Variants in SPNS3 observed in about 807,000 individuals in gnomAD.
SPNS3 encodes the protein SPNS lysolipid transporter 3, sphingosine-1-phosphate (putative).
SPNS3 carries 51 observed loss-of-function variants against 54.4 expected under a neutral mutation model. That is an observed-to-expected ratio of 0.94 (90% confidence interval 0.75 to 1.18). SPNS3 has a LOEUF of 1.18. SPNS3 is among the 50% of genes most tolerant of loss of function. SPNS3 has a pLI of 0.00. For synonymous variants in SPNS3, 309 were observed against 294.7 expected, an observed-to-expected ratio of 1.05 and a Z score of -0.50; for missense variants, 669 against 677.4, an observed-to-expected ratio of 0.99 and a Z score of 0.14.
chr17:4,446,346 T>C lies in SPNS3; in HGVS notation c.554+147T>C, dbSNP rs1043972137. ...CTACCCCTCCCTCACCATGTGAGTC[T>C]ACCTCTCCTAGCCTCAGTTTCCTCA... On this transcript the variant is annotated intron_variant, in intron 4 of 11. Transcript: ENST00000355530. 5.9e-6 allele frequency: 5 copies of C among 853,482 alleles called. No homozygotes were observed. The African/African-American group carries it at 8.5e-5, about 15-fold the overall frequency. The allele number at this position is 853,482 out of a possible 1,614,324, so 52.9% of individuals were successfully genotyped here.
chr17:4,460,175 C>T (rs572723314), intron 8 of SPNS3, among the ~76,000 whole-genome samples: 3 of 152,104 alleles, frequency 2.0e-5, no homozygotes, highest in East Asian at 1.9e-4. Context: ...GGGAGAGGGA[C>T]GTGAGGACAG....
intron 1 of SPNS3, among the ~76,000 whole-genome samples, chr17:4,435,044 C>T (rs971066482): frequency 2.0e-5 from 3 of 152,112 alleles, no homozygotes; most frequent in Non-Finnish European, 2.9e-5. Context: ...TCAGGTGATC[C>T]GCCTGCCTCG....
intron 8 of SPNS3, among the ~76,000 whole-genome samples, chr17:4,460,493 G>A (rs376660207): frequency 6.1e-4 from 89 of 146,440 alleles, no homozygotes; most frequent in African/African-American, 1.9e-3. Flanking sequence ...GTGCAGTGGC[G>A]TGATCTCGGC....
chr17:4,484,695 C>T (rs1447564175), intron 9 of SPNS3, among the ~76,000 whole-genome samples: 1 of 152,098 alleles, frequency 6.6e-6, no homozygotes, highest in African/African-American at 2.4e-5. Flanking sequence ...GTAAGCGCCC[C>T]TGTGGCTGTC....
At chr17:4,469,993 T>A (rs978764180) in intron 8 of SPNS3, among the ~76,000 whole-genome samples, 1 of 152,226 alleles carries the variant, frequency 6.6e-6, no homozygotes, top group Non-Finnish European at 1.5e-5. Flanking sequence ...TTTGCTTCTA[T>A]ATTTGTTATT....
chr17:4,466,300 G>C (rs1259728249), intron 8 of SPNS3, among the ~76,000 whole-genome samples: 1 of 152,180 alleles, frequency 6.6e-6, no homozygotes, highest in Non-Finnish European at 1.5e-5. Context: ...CCAGCACTTC[G>C]GAAGGCCGAG....
intron 9 of SPNS3, among the ~76,000 whole-genome samples, chr17:4,482,951 C>T (rs1972211524): frequency 3.3e-5 from 5 of 152,240 alleles, no homozygotes; most frequent in Admixed American, 3.3e-4. Context: ...TTCCCTCTTT[C>T]TCAGCCCTGT....
At chr17:4,442,544 AAAAAG>A (rs1394328213) in intron 2 of SPNS3, among the ~76,000 whole-genome samples, 1 of 152,056 alleles carries the variant, frequency 6.6e-6, no homozygotes, top group African/African-American at 2.4e-5. Context: ...AAAAAAACAA[AAAAAG>A]AGAAGAGGAG....
intron 2 of SPNS3, among the ~76,000 whole-genome samples, chr17:4,442,648 T>G (rs149232795): frequency 6.6e-4 from 101 of 152,290 alleles, no homozygotes; most frequent in African/African-American, 2.3e-3. Context: ...ATTAATAATA[T>G]TTAAAACTAA....
chr17:4,448,122 G>T, intron 5 of SPNS3, 33 bp from the exon 6 acceptor site: 2 of 1,544,648 alleles, frequency 1.3e-6, no homozygotes, highest in Non-Finnish European at 8.7e-7. Context: ...GATAATATGC[G>T]GCCCTGAGCT....
chr17:4,484,691 GC>G (rs1229466309), intron 9 of SPNS3, among the ~76,000 whole-genome samples: 4 of 152,042 alleles, frequency 2.6e-5, no homozygotes, highest in Non-Finnish European at 5.9e-5. Context: ...GGGTGTAAGC[GC>G]CCCTGTGGCT....
In SPNS3 at chr17:4,449,257, C is replaced by T; in HGVS notation, c.793C>T (p.Leu265Phe). 1.2e-6 allele frequency: 2 copies of T among 1,611,988 alleles called. No individual in the cohort carries two copies. Among genetic ancestry groups the T allele is most frequent in the East Asian group, 2.2e-5 (1 of 44,852 alleles). The change falls in exon 7 of 12, where the codon CTC becomes TTC. Residue 265 changes from leucine to phenylalanine, a missense_variant. Coordinates refer to ENST00000355530, the MANE Select transcript of SPNS3 (RefSeq NM_182538.5). ...CAGCTGGAGTTTCGTGTGGTCGACC[C>T]TCGGAGTGACCGCCATGGCCTTTGT... ...GKNWSFVWST[L>F]GVTAMAFVTG...
At position 4,453,124 on chromosome 17, in the gene SPNS3, C is replaced by T; in HGVS notation, c.1032C>T (p.Ile344=). ...KKVIPGAEPL[I]CASSLLATAP... is the part of the protein sequence containing the mutation. ...TCATTCCAGGAGCTGAGCCCCTCATCTGCGCCTCCAGCCTGCTTGCCACAG... is the reference window on the plus strand; with the variant it reads ...TCATTCCAGGAGCTGAGCCCCTCATTTGCGCCTCCAGCCTGCTTGCCACAG... Residue 344 remains isoleucine, a synonymous_variant, in exon 8 of 12, where the codon ATC becomes ATT. Transcript: ENST00000355530. 6.2e-7 allele frequency: 1 copy of T among 1,614,160 alleles called. No homozygotes were observed. The highest frequency in any genetic ancestry group is 8.5e-7 in the Non-Finnish European group (1 of 1,180,018).
chr17:4,448,489 A>G (rs762833495), intron 6 of SPNS3, among the ~76,000 whole-genome samples, 186 bp downstream of exon 6: 1 of 152,120 alleles, frequency 6.6e-6, no homozygotes, highest in Non-Finnish European at 1.5e-5. Flanking sequence ...CTCAGCCTCC[A>G]TCACCTTGCC....
intron 8 of SPNS3, among the ~76,000 whole-genome samples, chr17:4,477,219 A>G (rs1292261261): frequency 6.6e-6 from 1 of 152,060 alleles, no homozygotes; most frequent in South Asian, 2.1e-4. Flanking sequence ...CTCTGGCCTG[A>G]GTTTGTCTGT....
At chr17:4,460,212 G>A (rs1160239182) in intron 8 of SPNS3, among the ~76,000 whole-genome samples, 1 of 152,152 alleles carries the variant, frequency 6.6e-6, no homozygotes, top group Non-Finnish European at 1.5e-5. Context: ...AGATCATGTA[G>A]GATGTTGTGG....
At chr17:4,453,996 G>A (rs990409982) in intron 8 of SPNS3, among the ~76,000 whole-genome samples, 35 of 152,248 alleles carry the variant, frequency 2.3e-4, no homozygotes, top group Non-Finnish European at 3.1e-4. Context: ...CTTTGCACGC[G>A]TCCATTTCTT....
At chr17:4,468,393 A>G (rs1971743340) in intron 8 of SPNS3, among the ~76,000 whole-genome samples, 1 of 152,222 alleles carries the variant, frequency 6.6e-6, no homozygotes, top group Admixed American at 6.5e-5. Flanking sequence ...GGCTTGGACC[A>G]GGGTAGCTAT....
chr17:4,454,859 G>A (rs528550185), intron 8 of SPNS3, among the ~76,000 whole-genome samples: 36 of 149,828 alleles, frequency 2.4e-4, no homozygotes, highest in African/African-American at 8.1e-4. Context: ...TCCTGACCTC[G>A]TGATCCACCC....
Sources: gnomAD v4.1 joint callset for allele counts (sites outside exome capture counted in the v4.1 genomes callset) on GRCh38, gnomAD v4.1.1 for gene constraint, MANE v1.5 for transcripts, NCBI Gene and HGNC (gene_info 2026-07-23, HGNC 2026-07-21) for gene names.